Variants in ENTPD1 observed in about 807,000 individuals in gnomAD.
ENTPD1 encodes the protein ATP diphosphohydrolase.
In ENTPD1, 33 loss-of-function variants were observed where a neutral mutation model predicts 57.0. The observed-to-expected ratio is 0.58, with a 90% CI of 0.44 to 0.77. The LOEUF (loss-of-function observed/expected upper bound fraction) is 0.77, where lower values mean the gene tolerates loss of function less well. Among genes scored for constraint, ENTPD1 ranks in the 30% least tolerant of loss-of-function variants. The pLI is 0.00. For missense variants in ENTPD1, 501 were observed against 603.4 expected, an observed-to-expected ratio of 0.83 and a Z score of 1.78; for synonymous variants, 202 against 218.8, an observed-to-expected ratio of 0.92 and a Z score of 0.68.
At chr10:95,856,930 C>T (rs1027575027) in intron 7 of ENTPD1, among the ~76,000 whole-genome samples, 3 of 151,570 alleles carry the variant, frequency 2.0e-5, no homozygotes, top group Non-Finnish European at 4.4e-5. Context: ...AAAAAGTGTA[C>T]ATCTCTAGAG....
At chr10:95,711,974 C>A in exon 1 of ENTPD1, 2 of 1,613,640 alleles carry the variant, frequency 1.2e-6, no homozygotes, top group East Asian at 4.5e-5. Context: ...GAACCAAGGA[C>A]CTGACAAGCC....
Position 95,866,864 on chromosome 10 carries a change from A to G in ENTPD1, c.*481A>G. The G allele has an allele frequency of 9.7e-7, 1 of 1,035,426 alleles. No homozygotes were observed. Among genetic ancestry groups the G allele is most frequent in the Non-Finnish European group, 1.2e-6 (1 of 859,686 alleles). 64.1% of individuals were successfully genotyped at this position (1,035,426 alleles called of 1,614,324 possible). On this transcript the variant is annotated 3_prime_UTR_variant, in exon 10 of 10. Transcript: ENST00000371205. ...TGATGCCTTTGGAGAAGGCAGACAC[A>G]CATTCCATTCCCAGCCTGCTCTGTG...
At chr10:95,789,766 G>A (rs566105526) in intron 1 of ENTPD1, among the ~76,000 whole-genome samples, 1 of 152,230 alleles carries the variant, frequency 6.6e-6, no homozygotes, top group South Asian at 2.1e-4. Flanking sequence ...ACAGTTGATA[G>A]AAATTTAAAC....
At chr10:95,842,663 A>G (rs1417137690) in intron 4 of ENTPD1, among the ~76,000 whole-genome samples, 169 bp downstream of exon 4, 1 of 151,888 alleles carries the variant, frequency 6.6e-6, no homozygotes, top group African/African-American at 2.4e-5. Context: ...TCAAACTCTT[A>G]GTATATATAG....
Position 95,866,111 on chromosome 10 carries a change from C to G in ENTPD1, c.1327-66C>G, listed in dbSNP as rs61107847. 14 of 1,550,496 alleles carry G rather than the reference C, an allele frequency of 9.0e-6. No homozygotes were observed. In the African/African-American group the frequency reaches 1.9e-4, roughly 21 times the overall value. On this transcript the variant is annotated intron_variant, in intron 9 of 9. Coordinates refer to ENST00000371205, the MANE Select transcript of ENTPD1 (RefSeq NM_001776.6). ...TCTTCCAATGCATGATCCAATAATT[C>G]TAAGCCCTAGGTGATAACTCTTCTA...
chr10:95,844,756 G>T, intron 5 of ENTPD1, 121 bp downstream of exon 5: 1 of 1,208,442 alleles, frequency 8.3e-7, no homozygotes, highest in South Asian at 1.2e-5. Context: ...TGGATGGATG[G>T]ATGACTGGAT....
Position 95,868,190 on chromosome 10 carries a change from C to T in ENTPD1, c.*1807C>T. The T allele has an allele frequency of 1.0e-6, 1 of 985,462 alleles. No individual in the cohort carries two copies. Among genetic ancestry groups the T allele is most frequent in the African/African-American group, 1.7e-5 (1 of 57,370 alleles). 61.0% of individuals were successfully genotyped at this position (985,462 alleles called of 1,614,324 possible). On this transcript the variant is annotated 3_prime_UTR_variant, in exon 10 of 10. Coordinates refer to ENST00000371205, the MANE Select transcript of ENTPD1 (RefSeq NM_001776.6). ...GTTCAGAGAGGTTAAGTCATTTGCC[C>T]AAATGGCTGAGCCAAAGCCTACCAT...
intron 7 of ENTPD1, among the ~76,000 whole-genome samples, chr10:95,852,448 G>C (rs955552870): frequency 2.6e-5 from 4 of 152,158 alleles, no homozygotes; most frequent in African/African-American, 9.7e-5. Context: ...GATCCCATTT[G>C]TCAATTTTGG....
At chr10:95,733,411 G>A (rs1005128063) in intron 1 of ENTPD1, among the ~76,000 whole-genome samples, 3 of 152,134 alleles carry the variant, frequency 2.0e-5, no homozygotes, top group Non-Finnish European at 2.9e-5. Flanking sequence ...AATCATGACA[G>A]GATCCTGAGT....
At chr10:95,866,117 C>G (rs1409478631) in intron 9 of ENTPD1, 60 bp from the exon 10 acceptor site, 2 of 1,559,592 alleles carry the variant, frequency 1.3e-6, no homozygotes, top group African/African-American at 2.7e-5. Flanking sequence ...AATTCTAAGC[C>G]CTAGGTGATA....
intron 1 of ENTPD1, among the ~76,000 whole-genome samples, chr10:95,737,869 C>T (rs551732950): frequency 3.8e-4 from 58 of 152,260 alleles, no homozygotes; most frequent in Non-Finnish European, 6.6e-4. Flanking sequence ...TATGATGGAA[C>T]AACAGAAAAT....
the ENTPD1 span, among the ~76,000 whole-genome samples, chr10:95,695,774 C>G: frequency 6.6e-6 from 1 of 152,024 alleles, no homozygotes; most frequent in Non-Finnish European, 1.5e-5. Context: ...TTGAAATATC[C>G]CCATGCCTAG....
intron 1 of ENTPD1, among the ~76,000 whole-genome samples, chr10:95,720,062 C>T (rs2097975815): frequency 6.6e-6 from 1 of 152,140 alleles, no homozygotes; most frequent in South Asian, 2.1e-4. Flanking sequence ...GGTTTCTGTA[C>T]TCCTAAAATT....
intron 1 of ENTPD1, among the ~76,000 whole-genome samples, chr10:95,741,590 G>T (rs1589662079): frequency 1.3e-5 from 2 of 152,184 alleles, no homozygotes; most frequent in African/African-American, 4.8e-5. Flanking sequence ...AAATCGCAAC[G>T]TCTGTGAAAC....
intron 1 of ENTPD1, among the ~76,000 whole-genome samples, chr10:95,719,793 A>T (rs973919747): frequency 4.6e-5 from 7 of 152,368 alleles, no homozygotes; most frequent in South Asian, 4.1e-4. Flanking sequence ...GATGGGGGCT[A>T]TCCCTGAACC....
intron 1 of ENTPD1, among the ~76,000 whole-genome samples, chr10:95,806,495 G>T (rs546175783): frequency 6.6e-6 from 1 of 152,150 alleles, no homozygotes; most frequent in Non-Finnish European, 1.5e-5. Flanking sequence ...CTGTCAACTC[G>T]TCAAAGTCAT....
chr10:95,712,532 G>C (rs1042381382), intron 1 of ENTPD1, among the ~76,000 whole-genome samples: 1 of 152,164 alleles, frequency 6.6e-6, no homozygotes, highest in Non-Finnish European at 1.5e-5. Context: ...ATTTTAAGTG[G>C]TATACTTTTT....
Position 95,864,767 on chromosome 10 carries a change from A to C in ENTPD1, c.1232A>C (p.Glu411Ala). ...GGAGTAAAGGAGAAGTACCTGAGTG[A>C]ATACTGCTTTTCTGGTACCTACATT... Reference protein sequence around the residue: ...YAGVKEKYLSEYCFSGTYILS... With the variant: ...YAGVKEKYLSAYCFSGTYILS... Residue 411 changes from glutamate (E) to alanine (A), a missense_variant, in exon 9 of 10, where the codon GAA (glutamate) becomes GCA (alanine). Physicochemically the swap from Glu to Ala is moderately radical, Grantham distance 107. Coordinates refer to ENST00000371205, the MANE Select transcript of ENTPD1 (RefSeq NM_001776.6). 6.2e-7 allele frequency: 1 copy of C among 1,614,156 alleles called. No homozygotes were observed. Among genetic ancestry groups the C allele is most frequent in the South Asian group, 1.1e-5 (1 of 91,076 alleles).
At chr10:95,832,427 G>A (rs1314579853) in intron 2 of ENTPD1, among the ~76,000 whole-genome samples, 1 of 152,158 alleles carries the variant, frequency 6.6e-6, no homozygotes, top group African/African-American at 2.4e-5. Context: ...AGAGTCATTA[G>A]CTGTACCCAA....
Sources: allele counts gnomAD v4.1 joint callset (sites outside exome capture counted in the v4.1 genomes callset), GRCh38; gene constraint gnomAD v4.1.1; transcripts MANE v1.5; gene names NCBI Gene and HGNC (gene_info 2026-07-23, HGNC 2026-07-21).